The following NPC1 variants were observed in gnomAD, a reference collection of about 807,000 sequenced individuals.
The protein encoded by NPC1 is NPC intracellular cholesterol transporter 1, also known as Niemann-Pick C1 protein.
Under a neutral mutation model 140.4 loss-of-function variants are expected in NPC1, and 85 were observed. The observed-to-expected ratio is 0.61, with a 90% CI of 0.51 to 0.72. The LOEUF (loss-of-function observed/expected upper bound fraction) is 0.72, where lower values mean the gene tolerates loss of function less well. Ranked by LOEUF, NPC1 falls within the 30% of genes least tolerant of loss-of-function variation. The pLI is 0.00. For synonymous variants in NPC1, 656 were observed against 624.8 expected (o/e 1.05, Z -0.74); for missense variants, 1,504 against 1,623.8 (o/e 0.93, Z 1.27).
downstream of NPC1, among the ~76,000 whole-genome samples, chr18:23,518,612 CTATTACATGTGTTTCT>C (rs1414541033): frequency 6.6e-6 from 1 of 152,122 alleles, no homozygotes. Flanking sequence ...TCAAGTATAA[CTATTACATGTGTTTCT>C]TTCCAATCAT....
At chr18:23,561,260 C>T (rs552389604) in intron 5 of NPC1, 100 bp downstream of exon 5, 275 of 1,241,884 alleles carry the variant, frequency 2.2e-4, no homozygotes, top group Non-Finnish European at 3.2e-4. Context: ...AATTCTCTTG[C>T]CTCAGTCTCC....
At chr18:23,516,150 C>T (rs1447357531) in intron 3 of NPC1, among the ~76,000 whole-genome samples, 1 of 152,226 alleles carries the variant, frequency 6.6e-6, no homozygotes, top group Admixed American at 6.5e-5. Context: ...CCGTCAGCTC[C>T]TGGAGCCATT....
intron 10 of NPC1, among the ~76,000 whole-genome samples, chr18:23,548,991 G>A (rs749234862): frequency 3.0e-4 from 45 of 152,106 alleles, no homozygotes; most frequent in Non-Finnish European, 4.0e-4. Context: ...ATTTTGTCAT[G>A]TTGCCCAGGC....
At chr18:23,560,133 T>C in intron 6 of NPC1, 98 bp downstream of exon 6, 1 of 1,453,676 alleles carries the variant, frequency 6.9e-7, no homozygotes, top group South Asian at 1.1e-5. Context: ...AGGTATTTGT[T>C]TCTTGTCCTA....
intron 6 of NPC1, among the ~76,000 whole-genome samples, chr18:23,559,959 CAA>C (rs112490232): frequency 7.3e-6 from 1 of 137,574 alleles, no homozygotes; most frequent in African/African-American, 2.6e-5. Flanking sequence ...ACTCAGTCTC[CAA>C]AAAAAAAAAG....
intron 10 of NPC1, among the ~76,000 whole-genome samples, chr18:23,549,327 ATTACT>A (rs2058834122): frequency 6.6e-6 from 1 of 151,808 alleles, no homozygotes; most frequent in South Asian, 2.1e-4. Flanking sequence ...CTCCCTTTTC[ATTACT>A]TTAGTCAAGA....
At chr18:23,562,317 A>C (rs530721474) in intron 4 of NPC1, among the ~76,000 whole-genome samples, 27 of 151,476 alleles carry the variant, frequency 1.8e-4, no homozygotes, top group South Asian at 6.3e-4. Flanking sequence ...AACAAAAAAA[A>C]CCCCTAATAC....
In NPC1 at chr18:23,510,156, C is replaced by T. The variant is rs538465435; in HGVS notation, c.432-3514G>A. ...AGGCCAACATGATGAAATCCCATCTCTATAAAAAATACAAAATGTTAGTCA... is the reference window on the plus strand; with the variant it reads ...AGGCCAACATGATGAAATCCCATCTTTATAAAAAATACAAAATGTTAGTCA... On this transcript the variant is annotated intron_variant, in intron 3 of 3. Coordinates refer to the NPC1 transcript ENST00000591107. Among the ~76,000 whole-genome samples, 4 of 151,792 alleles carry T rather than the reference C, an allele frequency of 2.6e-5. No individual in the cohort carries two copies. In the South Asian group the frequency reaches 8.3e-4, roughly 32 times the overall value.
At chr18:23,578,362 TAA>T (rs1367953976) in intron 1 of NPC1, among the ~76,000 whole-genome samples, 4 of 152,180 alleles carry the variant, frequency 2.6e-5, no homozygotes, top group African/African-American at 4.8e-5. Flanking sequence ...AGACTCTCAA[TAA>T]AAGAGAATCA....
At chr18:23,543,883 C>A (rs978346272) in intron 13 of NPC1, among the ~76,000 whole-genome samples, 2 of 152,150 alleles carry the variant, frequency 1.3e-5, no homozygotes, top group African/African-American at 2.4e-5. Flanking sequence ...CCGCCCACGT[C>A]GGGTCTACAG....
intron 6 of NPC1, among the ~76,000 whole-genome samples, chr18:23,558,717 GT>G (rs138429491): frequency 9.3e-5 from 14 of 150,222 alleles, no homozygotes; most frequent in East Asian, 3.9e-4. Context: ...TGTACTATGA[GT>G]TTTTTTTTTA....
At chr18:23,520,409 G>A, downstream of NPC1, 1 of 986,806 alleles carries the variant, frequency 1.0e-6, no homozygotes, top group Non-Finnish European at 1.5e-6. Flanking sequence ...AGTGGAGTGA[G>A]GAATAAACAG....
chr18:23,508,095 T>C, intron 3 of NPC1: 1 of 1,521,130 alleles, frequency 6.6e-7, no homozygotes, highest in Non-Finnish European at 8.9e-7. Context: ...TGAGCTGGGT[T>C]ATGTAGTGGA....
downstream of NPC1, chr18:23,524,416 C>T: frequency 6.2e-7 from 1 of 1,613,878 alleles, no homozygotes; most frequent in Non-Finnish European, 8.5e-7. Context: ...TTAGAATTTC[C>T]TATAACATGT....
At chr18:23,509,241 A>AT in intron 3 of NPC1, 1 of 1,468,422 alleles carries the variant, frequency 6.8e-7, no homozygotes, top group Non-Finnish European at 9.0e-7. Flanking sequence ...TTCAACTGAA[A>AT]TTGTCTTCAT....
At chr18:23,545,768 T>G (rs1230907078) in intron 11 of NPC1, among the ~76,000 whole-genome samples, 2 of 152,120 alleles carry the variant, frequency 1.3e-5, no homozygotes, top group East Asian at 3.8e-4. Context: ...ATTTTAAAAA[T>G]TTTTTGTAGA....
At chr18:23,534,631 G>C in intron 22 of NPC1, 72 bp from the exon 23 acceptor site, 1 of 1,244,614 alleles carries the variant, frequency 8.0e-7, no homozygotes, top group Non-Finnish European at 1.2e-6. Context: ...CCGTTCTGAG[G>C]ATGGGTGCTA....
chr18:23,551,822 T>C (rs1680826532), intron 9 of NPC1, 95 bp from the exon 10 acceptor site: 8 of 883,762 alleles, frequency 9.1e-6, no homozygotes, highest in Non-Finnish European at 1.5e-5. Context: ...TGAGGCTGGC[T>C]GTATTCTAAG....
chr18:23,579,903 C>T (rs2059338056), intron 1 of NPC1, among the ~76,000 whole-genome samples: 1 of 151,960 alleles, frequency 6.6e-6, no homozygotes, highest in South Asian at 2.1e-4. Flanking sequence ...AAAAATGCCC[C>T]TTGTGCTATA....
Sources: gnomAD v4.1 joint callset for allele counts (sites outside exome capture counted in the v4.1 genomes callset) on GRCh38, gnomAD v4.1.1 for gene constraint, MANE v1.5 for transcripts, NCBI Gene and HGNC (gene_info 2026-07-23, HGNC 2026-07-21) for gene names.